The following ARB2A variants were observed in gnomAD, a reference collection of about 807,000 sequenced individuals.
The protein encoded by ARB2A is ARB2 cotranscriptional regulator A.
At chr5:94,006,487 ATGT>A in the ARB2A span, among the ~76,000 whole-genome samples, 1 of 152,156 alleles carries the variant, frequency 6.6e-6, no homozygotes, top group African/African-American at 2.4e-5. Context: ...TCTGGATATG[ATGT>A]TGTACTATCA....
At chr5:93,979,628 C>G in the ARB2A span, among the ~76,000 whole-genome samples, 11 of 151,986 alleles carry the variant, frequency 7.2e-5, no homozygotes, top group Non-Finnish European at 1.6e-4. Context: ...CCTGCTCTTA[C>G]ATTTTAGACG....
the ARB2A span, among the ~76,000 whole-genome samples, chr5:93,989,708 C>T: frequency 6.6e-6 from 1 of 152,158 alleles, no homozygotes; most frequent in Admixed American, 6.5e-5. Context: ...AACTTTAATA[C>T]TGGGTATATT....
the ARB2A span, among the ~76,000 whole-genome samples, chr5:94,091,315 T>C: frequency 6.6e-6 from 1 of 152,198 alleles, no homozygotes; most frequent in Non-Finnish European, 1.5e-5. Flanking sequence ...AACTTCACCA[T>C]TACAATCACT....
chr5:93,662,762 C>T, the ARB2A span, among the ~76,000 whole-genome samples: 1 of 152,230 alleles, frequency 6.6e-6, no homozygotes, highest in Non-Finnish European at 1.5e-5. Flanking sequence ...TTAAGCAAGG[C>T]TGCTCTTTTG....
the ARB2A span, among the ~76,000 whole-genome samples, chr5:93,820,838 CAG>C: frequency 2.0e-5 from 3 of 152,128 alleles, no homozygotes; most frequent in South Asian, 2.1e-4. Context: ...ACTAGGAACA[CAG>C]AGAGTTCAGA....
chr5:94,005,087 G>C, the ARB2A span, among the ~76,000 whole-genome samples: 2 of 124,960 alleles, frequency 1.6e-5, no homozygotes, highest in East Asian at 5.1e-4. Context: ...ATCTGCAAAA[G>C]AGACATGTTC....
At chr5:93,871,147 G>A in the ARB2A span, among the ~76,000 whole-genome samples, 1 of 152,184 alleles carries the variant, frequency 6.6e-6, no homozygotes, top group African/African-American at 2.4e-5. Context: ...GGAATTTTGG[G>A]AAACTTTTAT....
chr5:93,637,510 G>A, the ARB2A span, among the ~76,000 whole-genome samples: 12 of 152,162 alleles, frequency 7.9e-5, no homozygotes, highest in Non-Finnish European at 1.3e-4. Context: ...TAGGTTGTAC[G>A]TTAGTTGCAT....
the ARB2A span, among the ~76,000 whole-genome samples, chr5:93,991,392 A>G: frequency 1.6e-4 from 24 of 152,250 alleles, no homozygotes; most frequent in African/African-American, 5.5e-4. Flanking sequence ...CCACCATCCA[A>G]TACAAATTAC....
At chr5:93,768,463 CTA>C in the ARB2A span, among the ~76,000 whole-genome samples, 389 of 145,878 alleles carry the variant, frequency 2.7e-3, 2 homozygotes, top group East Asian at 8.5e-3. Flanking sequence ...CAAATATCCA[CTA>C]TATATATATA....
the ARB2A span, among the ~76,000 whole-genome samples, chr5:93,724,498 T>C: frequency 6.6e-6 from 1 of 152,074 alleles, no homozygotes; most frequent in African/African-American, 2.4e-5. Flanking sequence ...CATGATGCTT[T>C]CTTATCACTT....
At chr5:94,006,860 T>C in the ARB2A span, among the ~76,000 whole-genome samples, 1 of 152,360 alleles carries the variant, frequency 6.6e-6, no homozygotes, top group Non-Finnish European at 1.5e-5. Flanking sequence ...AAGTATTTTA[T>C]CACTGTTTCT....
the ARB2A span, among the ~76,000 whole-genome samples, chr5:93,941,722 G>A: frequency 6.6e-6 from 1 of 152,112 alleles, no homozygotes; most frequent in African/African-American, 2.4e-5. Context: ...TTAAAATTCA[G>A]TGTCTTTCCT....
the ARB2A span, among the ~76,000 whole-genome samples, chr5:94,019,610 T>A: frequency 6.6e-6 from 1 of 152,126 alleles, no homozygotes; most frequent in Non-Finnish European, 1.5e-5. Context: ...AGAATGGCAA[T>A]CATTAAAAAG....
At chr5:93,985,198 T>TAA in the ARB2A span, among the ~76,000 whole-genome samples, 1 of 152,206 alleles carries the variant, frequency 6.6e-6, no homozygotes, top group Non-Finnish European at 1.5e-5. Context: ...CTTTATCACC[T>TAA]AAAAATTTAC....
the ARB2A span, among the ~76,000 whole-genome samples, chr5:93,873,815 T>C: frequency 6.6e-6 from 1 of 152,222 alleles, no homozygotes; most frequent in Non-Finnish European, 1.5e-5. Flanking sequence ...ATCCCATTCT[T>C]TCTTTCCCTC....
At chr5:93,903,432 TAA>T in the ARB2A span, among the ~76,000 whole-genome samples, 2 of 152,036 alleles carry the variant, frequency 1.3e-5, no homozygotes, top group Non-Finnish European at 2.9e-5. Context: ...TTATAAGAGC[TAA>T]AGTCATATAC....
At chr5:93,739,591 TGGTTTCCATTTAG>T in the ARB2A span, 1 of 152,142 alleles carries the variant, frequency 6.6e-6, no homozygotes, top group African/African-American at 2.4e-5. Context: ...AGGTACTAAA[TGGTTTCCATTTAG>T]TATATGGTGA....
the ARB2A span, among the ~76,000 whole-genome samples, chr5:93,810,671 G>A: frequency 2.6e-5 from 4 of 152,142 alleles, no homozygotes; most frequent in African/African-American, 9.6e-5. Context: ...GCCTCCCAAA[G>A]AGCTGGGATT....
Sources: allele counts gnomAD v4.1 joint callset (sites outside exome capture counted in the v4.1 genomes callset), GRCh38; gene constraint gnomAD v4.1.1; transcripts MANE v1.5; gene names NCBI Gene and HGNC (gene_info 2026-07-23, HGNC 2026-07-21).